The following PDE1C variants were observed in gnomAD, a reference collection of about 807,000 sequenced individuals.
PDE1C encodes dual specificity calcium/calmodulin-dependent 3',5'-cyclic nucleotide phosphodiesterase 1C.
Under a neutral mutation model 93.1 loss-of-function variants are expected in PDE1C, and 62 were observed. The ratio of observed to expected loss-of-function variants is 0.67; its 90% confidence interval spans 0.54 to 0.82. The LOEUF is 0.82. PDE1C is among the 40% of genes least tolerant of loss of function. The pLI is 0.00. For synonymous variants in PDE1C, 325 were observed against 310.1 expected (o/e 1.05, Z -0.50); for missense variants, 742 against 884.6 (o/e 0.84, Z 2.04).
intron 1 of PDE1C, among the ~76,000 whole-genome samples, chr7:32,220,319 T>C (rs1210967563): frequency 3.3e-5 from 5 of 152,226 alleles, no homozygotes; most frequent in Non-Finnish European, 5.9e-5. Context: ...TTTATGCCCA[T>C]AATTTTTATT....
intron 2 of PDE1C, among the ~76,000 whole-genome samples, chr7:31,974,616 T>G (rs907623626): frequency 6.6e-6 from 1 of 152,094 alleles, no homozygotes; most frequent in Non-Finnish European, 1.5e-5. Context: ...ACATATAACC[T>G]TAATGGATAA....
intron 2 of PDE1C, among the ~76,000 whole-genome samples, chr7:31,913,129 T>A (rs1388195002): frequency 2.0e-5 from 3 of 152,126 alleles, no homozygotes; most frequent in Admixed American, 2.0e-4. Context: ...TCAGCTTGCA[T>A]CCCTGAAATG....
chr7:31,718,475 G>A, the PDE1C span, among the ~76,000 whole-genome samples: 31 of 152,268 alleles, frequency 2.0e-4, no homozygotes, highest in East Asian at 5.4e-3. Context: ...CCAGTTAAGC[G>A]AAAAACTAGG....
chr7:32,016,920 A>G (rs1203888862), intron 2 of PDE1C, among the ~76,000 whole-genome samples: 3 of 152,186 alleles, frequency 2.0e-5, no homozygotes, highest in Non-Finnish European at 4.4e-5. Flanking sequence ...CATGATGTCT[A>G]AAAACAGAGA....
chr7:32,299,896 T>C (rs1408162958), upstream of PDE1C, among the ~76,000 whole-genome samples: 1 of 152,184 alleles, frequency 6.6e-6, no homozygotes, highest in East Asian at 1.9e-4. Flanking sequence ...GGTATAACAA[T>C]GTGGAATGAG....
intron 2 of PDE1C, among the ~76,000 whole-genome samples, chr7:31,987,393 G>C (rs965875413): frequency 1.3e-5 from 2 of 152,182 alleles, no homozygotes; most frequent in Non-Finnish European, 2.9e-5. Context: ...TCATCATCCT[G>C]CCTCAGCCTC....
At chr7:32,328,098 A>G (rs1783440438) in intron 1 of PDE1C, among the ~76,000 whole-genome samples, 1 of 152,196 alleles carries the variant, frequency 6.6e-6, no homozygotes. Flanking sequence ...AGTGATGTAT[A>G]TATTTATCTT....
At chr7:31,651,951 G>A in the PDE1C span, 35 of 1,596,538 alleles carry the variant, frequency 2.2e-5, no homozygotes, top group Non-Finnish European at 3.0e-5. Context: ...AGGAGGCCGA[G>A]CAACTGCAAA....
intron 1 of PDE1C, among the ~76,000 whole-genome samples, chr7:32,417,396 G>T (rs1785297188): frequency 6.6e-6 from 1 of 151,670 alleles, no homozygotes; most frequent in African/African-American, 2.4e-5. Flanking sequence ...AACACCTGTT[G>T]AGCACTGACT....
intron 1 of PDE1C, among the ~76,000 whole-genome samples, chr7:32,415,259 T>C (rs1445281008): frequency 6.6e-6 from 1 of 152,160 alleles, no homozygotes; most frequent in Non-Finnish European, 1.5e-5. Context: ...GAGACCAACC[T>C]GGACAACGTA....
At position 32,083,217 on chromosome 7, in the gene PDE1C, G is replaced by A. The variant is rs545901555; in HGVS notation, c.308+86568C>T. Among the ~76,000 whole-genome samples, 92 of 152,056 alleles carry A rather than the reference G, an allele frequency of 6.1e-4. No individual in the cohort carries two copies. The Middle Eastern group carries it at 0.01, about 17-fold the overall frequency. ...TACGTGAAGAATGCAGAAGCCTCAG[G>A]AGCCAATGCGATCAACTGGAAGAAA... On this transcript the variant is annotated intron_variant, in intron 3 of 18. Coordinates refer to the PDE1C transcript ENST00000396193.
chr7:32,144,200 T>C (rs567535642), intron 3 of PDE1C, among the ~76,000 whole-genome samples: 81 of 152,296 alleles, frequency 5.3e-4, no homozygotes, highest in African/African-American at 1.8e-3. Context: ...AACCAAGCTT[T>C]ATCTACCTTC....
At chr7:32,072,005 A>T (rs1780381659), upstream of PDE1C, among the ~76,000 whole-genome samples, 1 of 152,012 alleles carries the variant, frequency 6.6e-6, no homozygotes, top group South Asian at 2.1e-4. Context: ...TATCTATTAG[A>T]TGATTACCTG....
chr7:32,051,420 G>A (rs1793341083), intron 2 of PDE1C, 134 bp downstream of exon 2: 3 of 826,764 alleles, frequency 3.6e-6, no homozygotes, highest in Non-Finnish European at 6.2e-6. Context: ...GTCACGATCG[G>A]AGATAAAGCA....
rs566582773 is a variant in PDE1C at position 31,905,236 on chromosome 7, T to C, written c.129-24376A>G. Among the ~76,000 whole-genome samples, 3 of 152,312 alleles carry C rather than the reference T, an allele frequency of 2.0e-5. No individual in the cohort carries two copies. The South Asian group carries it at 6.2e-4, about 32-fold the overall frequency. ...TCAAACATAAGAGAGAACATCTGTA[T>C]TGTTGTGGATTCTTATAGAACATCT... On this transcript the variant is annotated intron_variant, in intron 2 of 17. Coordinates refer to ENST00000396191, the MANE Select transcript of PDE1C (RefSeq NM_001191057.4).
chr7:31,662,598 T>G, the PDE1C span, among the ~76,000 whole-genome samples: 5 of 151,962 alleles, frequency 3.3e-5, no homozygotes, highest in African/African-American at 1.2e-4. Flanking sequence ...GTGTCTGTGT[T>G]GTGTAGACGT....
chr7:31,906,479 C>T (rs1482560522), intron 2 of PDE1C, among the ~76,000 whole-genome samples: 1 of 144,802 alleles, frequency 6.9e-6, no homozygotes, highest in South Asian at 2.3e-4. Context: ...GGTACATTTC[C>T]TTTGGGTTGG....
At chr7:32,294,871 C>T (rs1306952363) in intron 1 of PDE1C, among the ~76,000 whole-genome samples, 2 of 152,170 alleles carry the variant, frequency 1.3e-5, no homozygotes, top group Non-Finnish European at 2.9e-5. Context: ...AATTACTTGC[C>T]GCAATCATAA....
chr7:32,020,721 A>G (rs975949059), intron 2 of PDE1C, among the ~76,000 whole-genome samples: 16 of 152,126 alleles, frequency 1.1e-4, no homozygotes, highest in South Asian at 8.3e-4. Context: ...ACAAGGCCCA[A>G]AAGAGTTCAG....
Sources: allele counts gnomAD v4.1 joint callset (sites outside exome capture counted in the v4.1 genomes callset), GRCh38; gene constraint gnomAD v4.1.1; transcripts MANE v1.5; gene names NCBI Gene and HGNC (gene_info 2026-07-23, HGNC 2026-07-21).